GMDS: variants seen among roughly 807,000 people sequenced by gnomAD.
GMDS encodes the protein GDP-mannose 4,6 dehydratase.
Under a neutral mutation model 49.9 loss-of-function variants are expected in GMDS, and 20 were observed. The ratio of observed to expected loss-of-function variants is 0.40; its 90% CI spans 0.28 to 0.58. The LOEUF (loss-of-function observed/expected upper bound fraction) is 0.58, where lower values mean the gene tolerates loss of function less well. Ranked by LOEUF, GMDS falls within the 20% of genes least tolerant of loss-of-function variation. The pLI is 0.42. For synonymous variants in GMDS, 177 were observed against 178.6 expected, an observed-to-expected ratio of 0.99 and a Z score of 0.07; for missense variants, 362 against 481.4, an observed-to-expected ratio of 0.75 and a Z score of 2.32.
At chr6:2,235,734 C>T (rs1200116441) in intron 1 of GMDS, among the ~76,000 whole-genome samples, 1 of 151,676 alleles carries the variant, frequency 6.6e-6, no homozygotes, top group African/African-American at 2.4e-5. Context: ...ATCGCTTGAG[C>T]CCAGGAGGTT....
At chr6:1,916,538 G>GAAAGAGAGAGAGACGAA (rs1325419975) in intron 7 of GMDS, among the ~76,000 whole-genome samples, 3 of 151,998 alleles carry the variant, frequency 2.0e-5, no homozygotes, top group Non-Finnish European at 4.4e-5. Context: ...GAGAGTGAAA[G>GAAAGAGAGAGAGACGAA]AAAGAGAGAG....
rs116207022 is a variant in GMDS at position 1,781,738 on chromosome 6, T to G, written c.772-39152A>C. On this transcript the variant is annotated intron_variant, in intron 7 of 10. Transcript: ENST00000380815. ...GTCATAACTTCCTTTCCTTTCAACTTAGTACTGAAAGATGAGTCACCATAT... is the reference window on the plus strand; with the variant it reads ...GTCATAACTTCCTTTCCTTTCAACTGAGTACTGAAAGATGAGTCACCATAT... Among the ~76,000 whole-genome samples the G allele has an allele frequency of 1.2e-3, 182 of 152,342 alleles. 2 individuals are homozygous for G. Among genetic ancestry groups the G allele is most frequent in the African/African-American group, 3.7e-3 (153 of 41,584 alleles).
At chr6:2,020,261 A>G (rs1008377155) in intron 4 of GMDS, among the ~76,000 whole-genome samples, 2 of 152,122 alleles carry the variant, frequency 1.3e-5, no homozygotes, top group African/African-American at 2.4e-5. Flanking sequence ...TCAACATTGA[A>G]TATGTATGCC....
chr6:1,852,799 C>T (rs868652331), intron 7 of GMDS, among the ~76,000 whole-genome samples: 4 of 149,248 alleles, frequency 2.7e-5, no homozygotes, highest in South Asian at 2.2e-4. Context: ...CTCTGCCTTC[C>T]GGGTTCAAGC....
intron 2 of GMDS, among the ~76,000 whole-genome samples, chr6:2,122,662 A>C (rs970721660): frequency 1.3e-5 from 2 of 152,256 alleles, no homozygotes; most frequent in African/African-American, 4.8e-5. Flanking sequence ...GAATTATACG[A>C]ATCTCTTAAA....
intron 7 of GMDS, among the ~76,000 whole-genome samples, chr6:1,753,347 C>G (rs1216676241): frequency 6.6e-6 from 1 of 152,052 alleles, no homozygotes; most frequent in African/African-American, 2.4e-5. Context: ...GCTAACTATC[C>G]TAAATATATA....
At chr6:1,963,005 T>C (rs1348532588) in intron 4 of GMDS, among the ~76,000 whole-genome samples, 3 of 151,066 alleles carry the variant, frequency 2.0e-5, no homozygotes, top group Admixed American at 6.6e-5. Context: ...GCCTCCTGAG[T>C]AGCTGGGATT....
At chr6:1,675,240 G>A (rs926080935) in intron 9 of GMDS, among the ~76,000 whole-genome samples, 7 of 151,794 alleles carry the variant, frequency 4.6e-5, no homozygotes, top group African/African-American at 1.2e-4. Flanking sequence ...GCACTCGTTC[G>A]TTGTTAGAAT....
intron 7 of GMDS, among the ~76,000 whole-genome samples, chr6:1,756,029 T>A (rs890249083): frequency 2.6e-5 from 4 of 152,176 alleles, no homozygotes; most frequent in African/African-American, 9.7e-5. Flanking sequence ...AGGGCTAATA[T>A]GCAGAATCTA....
intron 9 of GMDS, 113 bp from the exon 10 acceptor site, chr6:1,624,653 G>A (rs1762789895): frequency 5.6e-6 from 4 of 714,056 alleles, no homozygotes; most frequent in Non-Finnish European, 9.7e-6. Flanking sequence ...ACAAGGCTCC[G>A]GGTTTCCCTG....
At chr6:1,971,020 T>G (rs1581440971) in intron 4 of GMDS, among the ~76,000 whole-genome samples, 2 of 149,740 alleles carry the variant, frequency 1.3e-5, no homozygotes, top group African/African-American at 2.5e-5. Context: ...GGAGTGGGGG[T>G]TTGGAAAGGT....
At chr6:2,001,162 C>A (rs910587169) in intron 4 of GMDS, among the ~76,000 whole-genome samples, 1 of 152,146 alleles carries the variant, frequency 6.6e-6, no homozygotes, top group Admixed American at 6.5e-5. Context: ...CTGTTATGAT[C>A]TGACTTTTGA....
chr6:1,709,766 G>A (rs914247049), intron 9 of GMDS, among the ~76,000 whole-genome samples: 7 of 152,222 alleles, frequency 4.6e-5, no homozygotes, highest in African/African-American at 1.7e-4. Flanking sequence ...AATTAATGCT[G>A]TAACTAGGAT....
chr6:1,757,306 G>A (rs564953773), intron 7 of GMDS, among the ~76,000 whole-genome samples: 68 of 152,238 alleles, frequency 4.5e-4, no homozygotes, highest in Non-Finnish European at 4.6e-4. Context: ...CTGTCACAAC[G>A]TACTTCCCAG....
intron 4 of GMDS, among the ~76,000 whole-genome samples, chr6:1,985,536 T>C (rs974772092): frequency 1.3e-5 from 2 of 152,092 alleles, no homozygotes; most frequent in Non-Finnish European, 2.9e-5. Context: ...GACTTTTAAA[T>C]ATATCTTAAA....
intron 4 of GMDS, among the ~76,000 whole-genome samples, chr6:2,029,500 G>C (rs1768824267): frequency 6.6e-6 from 1 of 152,116 alleles, no homozygotes. Flanking sequence ...CCAGGGTATT[G>C]GTAATTTCCC....
intron 2 of GMDS, among the ~76,000 whole-genome samples, chr6:2,117,804 A>C (rs1456479398): frequency 1.3e-5 from 2 of 152,204 alleles, no homozygotes; most frequent in African/African-American, 4.8e-5. Flanking sequence ...CTTCATGCTT[A>C]GTTGTAGATA....
At chr6:2,190,188 G>A (rs1778951953) in intron 1 of GMDS, among the ~76,000 whole-genome samples, 1 of 152,046 alleles carries the variant, frequency 6.6e-6, no homozygotes, top group South Asian at 2.1e-4. Flanking sequence ...GAGCAAATGT[G>A]GAATGGGAAC....
intron 4 of GMDS, among the ~76,000 whole-genome samples, chr6:1,986,881 G>C (rs779782078): frequency 6.6e-6 from 1 of 152,212 alleles, no homozygotes; most frequent in Non-Finnish European, 1.5e-5. Flanking sequence ...GGGCTGGGTA[G>C]GGAAGGGAGG....
Sources: allele counts gnomAD v4.1 joint callset (sites outside exome capture counted in the v4.1 genomes callset), GRCh38; gene constraint gnomAD v4.1.1; transcripts MANE v1.5; gene names NCBI Gene and HGNC (gene_info 2026-07-23, HGNC 2026-07-21).